GPR158: variants seen among roughly 807,000 people sequenced by gnomAD.
GPR158 encodes the protein metabotropic glycine receptor.
Under a neutral mutation model 78.2 loss-of-function variants are expected in GPR158, and 30 were observed. The observed-to-expected ratio is 0.38, with a 90% CI of 0.29 to 0.52. The LOEUF (loss-of-function observed/expected upper bound fraction) is 0.52. Among genes scored for constraint, GPR158 ranks in the 20% least tolerant of loss-of-function variants. The pLI is 0.83. For synonymous variants in GPR158, 581 were observed against 591.1 expected (o/e 0.98, Z 0.25); for missense variants, 1,463 against 1,523.5 (o/e 0.96, Z 0.66).
chr10:25,572,634 C>G lies in GPR158; in HGVS notation c.1515-15C>G, dbSNP rs1837023523. 4 of 1,519,480 alleles carry G rather than the reference C, an allele frequency of 2.6e-6. No individual in the cohort carries two copies. In the East Asian group the frequency reaches 6.8e-5, roughly 26 times the overall value. 94.1% of individuals were successfully genotyped at this position (1,519,480 alleles called of 1,614,324 possible). ...TGTTAGGTTTGCTTTCACATTTGAACTTTTGCTTTTCTAGGGTTTTGAAGG... is the reference window on the plus strand; with the variant it reads ...TGTTAGGTTTGCTTTCACATTTGAAGTTTTGCTTTTCTAGGGTTTTGAAGG... On this transcript the variant is annotated splice_polypyrimidine_tract_variant and intron_variant, in intron 6 of 10. Transcript: ENST00000376351.
chr10:25,266,929 G>C (rs528141676), intron 2 of GPR158, among the ~76,000 whole-genome samples: 3 of 151,934 alleles, frequency 2.0e-5, no homozygotes, highest in Non-Finnish European at 2.9e-5. Context: ...TCTTAATTTT[G>C]CTGCAAAGCT....
At chr10:25,317,106 G>A (rs1270169834) in intron 2 of GPR158, among the ~76,000 whole-genome samples, 4 of 150,600 alleles carry the variant, frequency 2.7e-5, no homozygotes, top group Non-Finnish European at 4.4e-5. Flanking sequence ...TGCAGTTGGC[G>A]TGATCTTGGC....
At chr10:25,224,540 T>A (rs1853346736) in intron 2 of GPR158, among the ~76,000 whole-genome samples, 1 of 151,870 alleles carries the variant, frequency 6.6e-6, no homozygotes, top group Non-Finnish European at 1.5e-5. Flanking sequence ...TATAATTGAT[T>A]CATAATTCTA....
chr10:25,272,473 CT>C (rs1320629015), intron 2 of GPR158, among the ~76,000 whole-genome samples: 48 of 152,200 alleles, frequency 3.2e-4, no homozygotes, highest in African/African-American at 1.2e-3. Flanking sequence ...TTCCGTAGCT[CT>C]TTTTTCTTTA....
chr10:25,281,554 C>T (rs899457985), intron 2 of GPR158, among the ~76,000 whole-genome samples: 23 of 151,870 alleles, frequency 1.5e-4, no homozygotes, highest in African/African-American at 2.4e-4. Flanking sequence ...CTCCAGCCTG[C>T]GTGACAGATT....
intron 2 of GPR158, among the ~76,000 whole-genome samples, chr10:25,355,571 T>C (rs1855539243): frequency 1.3e-5 from 2 of 152,212 alleles, no homozygotes; most frequent in South Asian, 2.1e-4. Context: ...ATTTGTTTCT[T>C]GTGGATGTAC....
chr10:25,460,316 C>G (rs1333869996), intron 4 of GPR158, among the ~76,000 whole-genome samples: 1 of 152,026 alleles, frequency 6.6e-6, no homozygotes, highest in Non-Finnish European at 1.5e-5. Flanking sequence ...ATTCTCCTGC[C>G]TCAGCCTCCC....
intron 9 of GPR158, 52 bp from the exon 10 acceptor site, chr10:25,596,591 G>A (rs1210541537): frequency 4.4e-5 from 60 of 1,362,850 alleles, no homozygotes; most frequent in Admixed American, 1.8e-5. Context: ...ATAGATATAT[G>A]CAATGCGTTA....
intron 4 of GPR158, among the ~76,000 whole-genome samples, chr10:25,414,775 T>C (rs991974041): frequency 5.3e-5 from 8 of 152,174 alleles, no homozygotes; most frequent in African/African-American, 1.7e-4. Context: ...TCTCTACTTA[T>C]TGATAATTAA....
Position 25,594,388 on chromosome 10 carries a change from G to T in GPR158, c.1989G>T (p.Leu663Phe). ...TGACAGTCACCATTGGGTTGCTTTT[G>T]ATTCCAAAGGTATTCTTCTAATATT... The part of the protein sequence containing the change: ...LTVTVTIGLL[L>F]IPKFSHSSNN... The change falls in exon 9 of 11, where the codon TTG (leucine) becomes TTT (phenylalanine). Residue 663 changes from leucine to phenylalanine, a missense_variant. Coordinates refer to ENST00000376351, the MANE Select transcript of GPR158 (RefSeq NM_020752.3). 1.4e-6 allele frequency: 2 copies of T among 1,462,022 alleles called. No homozygotes were observed. Among genetic ancestry groups the T allele is most frequent in the Non-Finnish European group, 1.9e-6 (2 of 1,053,330 alleles). 90.6% of individuals were successfully genotyped at this position (1,462,022 alleles called of 1,614,324 possible).
chr10:25,406,200 C>T (rs1834513323), intron 3 of GPR158, among the ~76,000 whole-genome samples: 2 of 152,124 alleles, frequency 1.3e-5, no homozygotes, highest in Middle Eastern at 3.2e-3. Flanking sequence ...TTGCTCAGCC[C>T]TTGCCCAGAA....
At chr10:25,558,954 C>T (rs918005454) in intron 6 of GPR158, among the ~76,000 whole-genome samples, 9 of 152,102 alleles carry the variant, frequency 5.9e-5, no homozygotes, top group African/African-American at 1.2e-4. Context: ...TTGAGAAGAA[C>T]GTGTTTTCTT....
chr10:25,267,725 T>G (rs1854061823), intron 2 of GPR158, among the ~76,000 whole-genome samples: 1 of 151,604 alleles, frequency 6.6e-6, no homozygotes, highest in Admixed American at 6.6e-5. Flanking sequence ...TTTGGATCTG[T>G]GGTTGAACCC....
rs73608252 is a variant in GPR158 at position 25,253,953 on chromosome 10, A to G, written c.1008+32796A>G. On this transcript the variant is annotated intron_variant, in intron 2 of 10. Coordinates refer to ENST00000376351, the MANE Select transcript of GPR158 (RefSeq NM_020752.3). ...GAAAAGGTTCTATTCTTGGTATTTC[A>G]AAACAACTGTCTCAGTCTAACATAA... 6.7e-3 allele frequency among the ~76,000 whole-genome samples: 1,028 copies of G among 152,346 alleles called. 8 individuals are homozygous for G. The highest frequency in any genetic ancestry group is 0.024 in the African/African-American group (982 of 41,590).
At chr10:25,302,480 T>C (rs55801305) in intron 2 of GPR158, among the ~76,000 whole-genome samples, 22,388 of 152,082 alleles carry the variant, frequency 0.15, 3,264 homozygotes, top group African/African-American at 0.38. Context: ...TGAAACTCTG[T>C]CTTCCCTGCG....
chr10:25,499,244 G>A (rs896312573), intron 5 of GPR158, among the ~76,000 whole-genome samples: 3 of 152,130 alleles, frequency 2.0e-5, no homozygotes, highest in African/African-American at 7.2e-5. Flanking sequence ...CCAGAGTCTG[G>A]AAGAATTTCA....
At chr10:25,530,398 C>T (rs1240982108) in intron 5 of GPR158, among the ~76,000 whole-genome samples, 1 of 152,016 alleles carries the variant, frequency 6.6e-6, no homozygotes, top group Non-Finnish European at 1.5e-5. Flanking sequence ...TGACCTGTAG[C>T]GATAAAATAT....
At chr10:25,200,856 G>GTTTTT (rs764033840) in intron 1 of GPR158, among the ~76,000 whole-genome samples, 10 of 115,394 alleles carry the variant, frequency 8.7e-5, no homozygotes, top group Admixed American at 2.8e-4. Context: ...CTATGTATCT[G>GTTTTT]TTTTTTGTTT....
intron 2 of GPR158, among the ~76,000 whole-genome samples, chr10:25,250,291 G>GT (rs1471323220): frequency 1.7e-4 from 20 of 118,800 alleles, no homozygotes; most frequent in Non-Finnish European, 2.9e-4. Context: ...TTTTTGAAGG[G>GT]TTTTTTGTGT....
Sources: allele counts gnomAD v4.1 joint callset (sites outside exome capture counted in the v4.1 genomes callset), GRCh38; gene constraint gnomAD v4.1.1; transcripts MANE v1.5; gene names NCBI Gene and HGNC (gene_info 2026-07-23, HGNC 2026-07-21).